Variants in PHACTR3 observed in about 807,000 individuals in gnomAD.
The protein encoded by PHACTR3 is protein phosphatase 1, regulatory subunit 123.
Under a neutral mutation model 66.8 loss-of-function variants are expected in PHACTR3, and 16 were observed. The observed-to-expected ratio is 0.24, with a 90% confidence interval of 0.16 to 0.36. The LOEUF is 0.36. Among genes scored for constraint, PHACTR3 ranks in the 10% least tolerant of loss-of-function variants. The pLI, the probability that PHACTR3 is intolerant of heterozygous loss-of-function variation, is 1.00. For synonymous variants in PHACTR3, 323 were observed against 292.1 expected, an observed-to-expected ratio of 1.11 and a Z score of -1.08; for missense variants, 647 against 719.9, an observed-to-expected ratio of 0.90 and a Z score of 1.16.
At chr20:59,643,233 G>T (rs1349432819) in intron 1 of PHACTR3, among the ~76,000 whole-genome samples, 1 of 152,190 alleles carries the variant, frequency 6.6e-6, no homozygotes, top group East Asian at 1.9e-4. Flanking sequence ...AAAAGTTGGG[G>T]ATCAGAGTAA....
chr20:59,717,764 T>G (rs1297694813), intron 1 of PHACTR3, among the ~76,000 whole-genome samples: 1 of 152,274 alleles, frequency 6.6e-6, no homozygotes. Context: ...GTGGTTTTTT[T>G]GACTATTCCT....
At chr20:59,611,190 A>G (rs543350279) in intron 1 of PHACTR3, among the ~76,000 whole-genome samples, 1 of 152,350 alleles carries the variant, frequency 6.6e-6, no homozygotes, top group South Asian at 2.1e-4. Flanking sequence ...GGTAGGCATT[A>G]TTGTCCTTAA....
At chr20:59,651,597 A>T (rs1053046855) in intron 1 of PHACTR3, among the ~76,000 whole-genome samples, 10 of 152,206 alleles carry the variant, frequency 6.6e-5, no homozygotes, top group Admixed American at 2.0e-4. Context: ...GCACACAGGC[A>T]ATGGTATTTG....
chr20:59,779,830 G>A (rs146257600), intron 7 of PHACTR3, among the ~76,000 whole-genome samples: 2 of 152,366 alleles, frequency 1.3e-5, no homozygotes, highest in East Asian at 1.9e-4. Context: ...GGGTGCCTTC[G>A]TGGGTATGCC....
intron 7 of PHACTR3, among the ~76,000 whole-genome samples, chr20:59,794,806 T>C (rs940284340): frequency 6.6e-6 from 1 of 152,154 alleles, no homozygotes; most frequent in Non-Finnish European, 1.5e-5. Flanking sequence ...TTCTTCTAGG[T>C]TATCCAATTG....
chr20:59,841,563 G>A (rs779933898), intron 11 of PHACTR3, 28 bp downstream of exon 11: 1 of 1,596,674 alleles, frequency 6.3e-7, no homozygotes, highest in Non-Finnish European at 8.5e-7. Flanking sequence ...CTGGTGGGGG[G>A]TGTTGGATGA....
At chr20:59,816,977 T>A (rs143757754) in intron 8 of PHACTR3, among the ~76,000 whole-genome samples, 162 of 152,338 alleles carry the variant, frequency 1.1e-3, no homozygotes, top group African/African-American at 3.8e-3. Context: ...TCCTATTCAC[T>A]GTGCTTGATG....
chr20:59,601,679 C>T (rs527591766), upstream of PHACTR3, among the ~76,000 whole-genome samples: 2 of 152,344 alleles, frequency 1.3e-5, no homozygotes, highest in South Asian at 2.1e-4. Context: ...ACCTTATTAT[C>T]TTCTATTGGT....
Position 59,635,141 on chromosome 20 carries a change from TTC to T in PHACTR3, c.118+30011_118+30012del, listed in dbSNP as rs1273134064. ...TTTCTTTCTTTCTTTCTTTCTTTCT[TTC>T]TTTCTTTTTCTTTCTTTCTTTCTTT... On this transcript the variant is annotated intron_variant, in intron 1 of 12. Coordinates refer to ENST00000371015, the MANE Select transcript of PHACTR3 (RefSeq NM_080672.5). Among the ~76,000 whole-genome samples the T allele has an allele frequency of 6.8e-3, 466 of 68,200 alleles. 8 individuals are homozygous for T. The highest frequency in any genetic ancestry group is 0.014 in the East Asian group (20 of 1,458). The allele number at this position is 68,200 out of a possible 152,430, so 44.7% of individuals were successfully genotyped here. A position where few individuals can be genotyped will look rare whatever the true frequency, so the allele number is the denominator to read the frequency against.
intron 8 of PHACTR3, among the ~76,000 whole-genome samples, chr20:59,813,407 G>C (rs1290154002): frequency 2.0e-5 from 3 of 152,186 alleles, no homozygotes; most frequent in African/African-American, 7.2e-5. Context: ...TACCTACAGG[G>C]GGAGGCTGCA....
intron 1 of PHACTR3, among the ~76,000 whole-genome samples, chr20:59,643,010 C>T (rs1484285912): frequency 6.6e-6 from 1 of 152,176 alleles, no homozygotes; most frequent in African/African-American, 2.4e-5. Flanking sequence ...CTCCCAGGTT[C>T]ACACCATTCT....
At chr20:59,812,750 T>C (rs1352448381) in intron 8 of PHACTR3, among the ~76,000 whole-genome samples, 2 of 152,178 alleles carry the variant, frequency 1.3e-5, no homozygotes, top group Non-Finnish European at 2.9e-5. Flanking sequence ...GGGGGAGGAA[T>C]CAGCTTCCAA....
At chr20:59,577,851 T>G (rs909112248) in intron 1 of PHACTR3, among the ~76,000 whole-genome samples, 8 of 152,196 alleles carry the variant, frequency 5.3e-5, no homozygotes, top group African/African-American at 1.9e-4. Context: ...AAGGGCAGTG[T>G]CCGCAGGGTC....
intron 11 of PHACTR3, among the ~76,000 whole-genome samples, chr20:59,842,229 G>A (rs1313208403): frequency 6.6e-6 from 1 of 152,204 alleles, no homozygotes; most frequent in Non-Finnish European, 1.5e-5. Flanking sequence ...AAGCCCAAGA[G>A]TGTCCATAGA....
At position 59,641,756 on chromosome 20, in the gene PHACTR3, A is replaced by G. The variant is rs1278084324; in HGVS notation, c.118+36624A>G. 2.0e-5 allele frequency among the ~76,000 whole-genome samples: 3 copies of G among 152,364 alleles called. No homozygotes were observed. In the East Asian group the frequency reaches 5.8e-4, roughly 29 times the overall value. ...TGTGTGTATGTACATTTGTGTATATATAATATATAATTATCCTGTTAAGGA... is the reference window on the plus strand; with the variant it reads ...TGTGTGTATGTACATTTGTGTATATGTAATATATAATTATCCTGTTAAGGA... On this transcript the variant is annotated intron_variant, in intron 1 of 12. Coordinates refer to ENST00000371015, the MANE Select transcript of PHACTR3 (RefSeq NM_080672.5).
chr20:59,811,617 C>T (rs1271517198), intron 8 of PHACTR3, among the ~76,000 whole-genome samples: 1 of 151,290 alleles, frequency 6.6e-6, no homozygotes, highest in East Asian at 2.0e-4. Flanking sequence ...CAAGATCATG[C>T]TATTGTACTC....
chr20:59,776,413 G>A (rs1011478728), intron 7 of PHACTR3, among the ~76,000 whole-genome samples: 3 of 152,192 alleles, frequency 2.0e-5, no homozygotes, highest in African/African-American at 4.8e-5. Flanking sequence ...GACCCTCTCT[G>A]AGGATGAGTG....
chr20:59,767,070 A>G (rs2040202954), intron 4 of PHACTR3, 116 bp from the exon 5 acceptor site: 1 of 951,880 alleles, frequency 1.1e-6, no homozygotes, highest in Admixed American at 2.2e-5. Context: ...GTGTGAGGTC[A>G]CTGCTCTGTA....
chr20:59,651,846 T>C (rs2035469122), intron 1 of PHACTR3, among the ~76,000 whole-genome samples: 1 of 137,154 alleles, frequency 7.3e-6, no homozygotes, highest in Non-Finnish European at 1.5e-5. Flanking sequence ...GGTAGGTAGG[T>C]AGGTAGGTAG....
Sources: gnomAD v4.1 joint callset for allele counts (sites outside exome capture counted in the v4.1 genomes callset) on GRCh38, gnomAD v4.1.1 for gene constraint, MANE v1.5 for transcripts, NCBI Gene and HGNC (gene_info 2026-07-23, HGNC 2026-07-21) for gene names.